The following MTMR12 variants were observed in gnomAD, a reference collection of about 807,000 sequenced individuals.
The protein encoded by MTMR12 is myotubularin-related protein 12.
Under a neutral mutation model 96.7 loss-of-function variants are expected in MTMR12, and 33 were observed. The ratio of observed to expected loss-of-function variants is 0.34; its 90% CI spans 0.26 to 0.46. The LOEUF is 0.46. Among genes scored for constraint, MTMR12 ranks in the 20% least tolerant of loss-of-function variants. The pLI is 1.00. For missense variants in MTMR12, 721 were observed against 896.1 expected (o/e 0.80, Z 2.49); for synonymous variants, 298 against 327.2 (o/e 0.91, Z 0.96).
At chr5:32,294,083 C>T (rs575163539) in intron 1 of MTMR12, among the ~76,000 whole-genome samples, 5 of 152,276 alleles carry the variant, frequency 3.3e-5, no homozygotes, top group African/African-American at 9.6e-5. Context: ...GACTGCCAGT[C>T]GCACTGCCTC....
chr5:32,289,178 A>G (rs1454203194), intron 1 of MTMR12, among the ~76,000 whole-genome samples: 1 of 152,250 alleles, frequency 6.6e-6, no homozygotes, highest in Non-Finnish European at 1.5e-5. Flanking sequence ...AGTCTGACTC[A>G]CGTAGAGCTC....
rs545320818 is a variant in MTMR12, at chr5:32,270,481, G to A, written c.489+336C>T. 2.0e-5 allele frequency among the ~76,000 whole-genome samples: 3 copies of A among 152,286 alleles called. No individual in the cohort carries two copies. In the South Asian group the frequency reaches 6.2e-4, roughly 32 times the overall value. On this transcript the variant is annotated intron_variant, in intron 5 of 15. Transcript: ENST00000382142. ...ACTGTCTTTTGGAAAGACTGTCAGA[G>A]GTGGGAGAATAGGGATAAACTTTTA...
chr5:32,261,798 C>T (rs1027705220), intron 7 of MTMR12, among the ~76,000 whole-genome samples: 1 of 152,160 alleles, frequency 6.6e-6, no homozygotes, highest in Admixed American at 6.5e-5. Flanking sequence ...AAAGGCCGGG[C>T]GCAATGGCTC....
chr5:32,291,138 AC>A (rs1750724399), intron 1 of MTMR12, among the ~76,000 whole-genome samples: 1 of 152,158 alleles, frequency 6.6e-6, no homozygotes, highest in Non-Finnish European at 1.5e-5. Context: ...TGCACCGATG[AC>A]CTCATGGGGA....
At chr5:32,275,863 T>G (rs1750031131) in intron 2 of MTMR12, among the ~76,000 whole-genome samples, 1 of 152,242 alleles carries the variant, frequency 6.6e-6, no homozygotes, top group Admixed American at 6.5e-5. Context: ...GTTATAGAAT[T>G]CTTTTACCAA....
At chr5:32,292,451 A>T (rs749836463) in intron 1 of MTMR12, among the ~76,000 whole-genome samples, 3 of 152,208 alleles carry the variant, frequency 2.0e-5, no homozygotes, top group Admixed American at 6.5e-5. Context: ...CAACAATTCC[A>T]TTAAACTGGA....
chr5:32,295,107 A>G (rs1344727279), intron 1 of MTMR12, among the ~76,000 whole-genome samples: 1 of 152,248 alleles, frequency 6.6e-6, no homozygotes, highest in Non-Finnish European at 1.5e-5. Context: ...CCTGAAGCTG[A>G]TTCCCAAGGC....
chr5:32,303,744 G>A (rs972110013), intron 1 of MTMR12, among the ~76,000 whole-genome samples: 23 of 150,692 alleles, frequency 1.5e-4, no homozygotes, highest in African/African-American at 4.4e-4. Flanking sequence ...GGTGGCTACC[G>A]TGGGCATCAT....
At position 32,249,021 on chromosome 5, in the gene MTMR12, A is replaced by G. The variant is rs145647267; in HGVS notation, c.790-143T>C. ...CATACTTAACTTTATTAAGCCTGGGAGTATTTAGTCACAATGAAAAAGAAT... is the reference window on the plus strand; with the variant it reads ...CATACTTAACTTTATTAAGCCTGGGGGTATTTAGTCACAATGAAAAAGAAT... On this transcript the variant is annotated intron_variant, in intron 8 of 15. Transcript: ENST00000382142. 1.8e-3 allele frequency: 1,143 copies of G among 653,118 alleles called. 15 individuals are homozygous for G. In the African/African-American group the frequency reaches 0.018, roughly 10 times the overall value. 40.5% of individuals were successfully genotyped at this position (653,118 alleles called of 1,614,324 possible).
At chr5:32,301,693 C>T (rs1029266428) in intron 1 of MTMR12, among the ~76,000 whole-genome samples, 4 of 152,074 alleles carry the variant, frequency 2.6e-5, no homozygotes, top group African/African-American at 9.7e-5. Flanking sequence ...GAGTTTGAGA[C>T]CAGTCTGGCC....
intron 12 of MTMR12, among the ~76,000 whole-genome samples, chr5:32,241,129 T>G (rs1004387028): frequency 6.6e-6 from 1 of 152,194 alleles, no homozygotes; most frequent in East Asian, 1.9e-4. Context: ...TTCTTAGACC[T>G]CCAATCTTTA....
At position 32,229,681 on chromosome 5, in the gene MTMR12, A is replaced by G. The variant is rs1355093845; in HGVS notation, c.*97T>C. The stretch of plus-strand genomic sequence containing the variant: ...GTTTATTCTAACGGAGTGCCGGGCT[A>G]AGGACCCAGCCAGCATGAGCTGTAG... On this transcript the variant is annotated 3_prime_UTR_variant, in exon 16 of 16. Coordinates refer to ENST00000382142, the MANE Select transcript of MTMR12 (RefSeq NM_001040446.3). 13 of 1,236,762 alleles carry G rather than the reference A, an allele frequency of 1.1e-5. No homozygotes were observed. The highest frequency in any genetic ancestry group is 5.8e-5 in the Admixed American group (2 of 34,212). The allele number at this position is 1,236,762 out of a possible 1,614,324, so 76.6% of individuals were successfully genotyped here. A position where few individuals can be genotyped will look rare whatever the true frequency, so the allele number is the denominator to read the frequency against.
intron 8 of MTMR12, among the ~76,000 whole-genome samples, chr5:32,254,073 A>G (rs1356696900): frequency 1.3e-5 from 2 of 152,322 alleles, no homozygotes; most frequent in East Asian, 3.9e-4. Flanking sequence ...CTATTCCTAC[A>G]TATGTGAACA....
intron 15 of MTMR12, among the ~76,000 whole-genome samples, chr5:32,232,747 T>C (rs959756509): frequency 6.6e-6 from 1 of 152,244 alleles, no homozygotes; most frequent in African/African-American, 2.4e-5. Flanking sequence ...AACTCCACCC[T>C]GGGCCTGCGG....
Position 32,242,679 on chromosome 5 carries a change from C to T in MTMR12, c.1101-552G>A, listed in dbSNP as rs1325684990. Among the ~76,000 whole-genome samples, 5 of 151,790 alleles carry T rather than the reference C, an allele frequency of 3.3e-5. No individual in the cohort carries two copies. In the South Asian group the frequency reaches 1.0e-3, roughly 32 times the overall value. The stretch of plus-strand genomic sequence containing the variant: ...GACGTGTCCTCTCCTACCCCCCAGC[C>T]ACCTTCCCTTCCCACACCCCGACTC... On this transcript the variant is annotated intron_variant, in intron 11 of 15. Coordinates refer to ENST00000382142, the MANE Select transcript of MTMR12 (RefSeq NM_001040446.3).
chr5:32,283,864 T>C (rs996449662), intron 1 of MTMR12, among the ~76,000 whole-genome samples: 4 of 152,222 alleles, frequency 2.6e-5, no homozygotes, highest in African/African-American at 9.6e-5. Flanking sequence ...TTACCTCTTA[T>C]GACTCACTCC....
chr5:32,259,212 T>C (rs907174620), intron 7 of MTMR12, among the ~76,000 whole-genome samples: 2 of 152,222 alleles, frequency 1.3e-5, no homozygotes, highest in African/African-American at 4.8e-5. Flanking sequence ...ATTGTGTATC[T>C]ACTCAGGCAC....
intron 1 of MTMR12, among the ~76,000 whole-genome samples, chr5:32,309,173 C>A (rs1751480859): frequency 6.6e-6 from 1 of 152,200 alleles, no homozygotes; most frequent in African/African-American, 2.4e-5. Context: ...CTAATTACAA[C>A]ATGTGCACTT....
At chr5:32,285,544 TGAA>T (rs1198012597) in intron 1 of MTMR12, among the ~76,000 whole-genome samples, 8 of 152,162 alleles carry the variant, frequency 5.3e-5, no homozygotes, top group Non-Finnish European at 1.2e-4. Context: ...TAAAAAAAGA[TGAA>T]GACATGAAAA....
Sources: allele counts gnomAD v4.1 joint callset (sites outside exome capture counted in the v4.1 genomes callset), GRCh38; gene constraint gnomAD v4.1.1; transcripts MANE v1.5; gene names NCBI Gene and HGNC (gene_info 2026-07-23, HGNC 2026-07-21).